Variants in PSAT1 observed in about 807,000 individuals in gnomAD.
PSAT1 encodes phosphoserine aminotransferase 1, also known as phosphoserine aminotransferase.
Under a neutral mutation model 40.3 loss-of-function variants are expected in PSAT1, and 41 were observed. The ratio of observed to expected loss-of-function variants is 1.02; its 90% CI spans 0.79 to 1.32. The LOEUF (loss-of-function observed/expected upper bound fraction) is 1.32. PSAT1 is among the 40% of genes most tolerant of loss of function. The pLI is 0.00. For missense variants in PSAT1, 406 were observed against 455.8 expected, an observed-to-expected ratio of 0.89 and a Z score of 0.99; for synonymous variants, 147 against 170.5, an observed-to-expected ratio of 0.86 and a Z score of 1.07.
rs115263053 is a variant in PSAT1, at chr9:78,306,427, G to C, written c.511G>C (p.Ala171Pro). 122 of 1,614,180 alleles carry C rather than the reference G, an allele frequency of 7.6e-5. No homozygotes were observed. The highest frequency in any genetic ancestry group is 7.5e-5 in the Non-Finnish European group (88 of 1,180,032). Residue 171 changes from alanine to proline, a missense_variant, in exon 5 of 9, where the codon GCA becomes CCA. By Grantham distance (27) the Ala-to-Pro change is conservative (BLOSUM62 -1). Coordinates refer to ENST00000376588, the MANE Select transcript of PSAT1 (RefSeq NM_058179.4). ...EFDFIPDVKGAVLVCDMSSNF... is the reference protein window; with the variant it reads ...EFDFIPDVKGPVLVCDMSSNF... ...TGACTTTATACCCGATGTCAAGGGA[G>C]CAGTACTGGTTTGTGACATGTCCTC...
rs1828216398 is a variant in PSAT1 at position 78,308,418 on chromosome 9, G to A, written c.575G>A (p.Gly192Asp). The change falls in exon 6 of 9, where the codon GGT (glycine) becomes GAT (aspartate). Residue 192 changes from glycine to aspartate, a missense_variant. Physicochemically the swap from Gly to Asp is moderately conservative, Grantham distance 94. Coordinates refer to ENST00000376588, the MANE Select transcript of PSAT1 (RefSeq NM_058179.4). The part of the protein sequence containing the change: ...LSKPVDVSKF[G>D]VIFAGAQKNV... The stretch of plus-strand genomic sequence containing the variant: ...GCATGTCTTTCTCTTTTTAAGTTTG[G>A]TGTGATTTTTGCTGGTGCCCAGAAG... 4 of 1,613,374 alleles carry A rather than the reference G, an allele frequency of 2.5e-6. No homozygotes were observed. The highest frequency in any genetic ancestry group is 1.3e-5 in the African/African-American group (1 of 75,034).
chr9:78,306,790 T>A (rs1191391565), intron 5 of PSAT1, among the ~76,000 whole-genome samples: 1 of 152,198 alleles, frequency 6.6e-6, no homozygotes, highest in Non-Finnish European at 1.5e-5. Context: ...GAGAGACTTG[T>A]CTTCAAGAGC....
chr9:78,316,035 G>A (rs1828338436), intron 6 of PSAT1, among the ~76,000 whole-genome samples: 2 of 152,176 alleles, frequency 1.3e-5, no homozygotes, highest in South Asian at 2.1e-4. Context: ...TTCCCTGGGC[G>A]ACCTCTCCTC....
intron 3 of PSAT1, among the ~76,000 whole-genome samples, chr9:78,303,063 AG>A (rs527259164): frequency 6.5e-4 from 99 of 152,342 alleles, no homozygotes; most frequent in African/African-American, 2.3e-3. Context: ...CATTTATGGT[AG>A]GAAAAACACT....
chr9:78,308,337 G>T, intron 5 of PSAT1, 77 bp from the exon 6 acceptor site: 1 of 1,521,334 alleles, frequency 6.6e-7, no homozygotes, highest in Non-Finnish European at 9.1e-7. Flanking sequence ...TGTGCTTCGG[G>T]AAGAGTTGGG....
chr9:78,322,359 T>C lies in PSAT1; in HGVS notation c.869+4555T>C, dbSNP rs147359649. ...TTGTTGTCATCACAACCCTGTGAAG[T>C]AGACATTGAGCCTATGCAGCAGAAG... On this transcript the variant is annotated intron_variant, in intron 7 of 8. Coordinates refer to ENST00000376588, the MANE Select transcript of PSAT1 (RefSeq NM_058179.4). Among the ~76,000 whole-genome samples, 733 of 152,190 alleles carry C rather than the reference T, an allele frequency of 4.8e-3. 8 individuals are homozygous for C. Among genetic ancestry groups the C allele is most frequent in the African/African-American group, 0.016 (684 of 41,518 alleles).
intron 7 of PSAT1, among the ~76,000 whole-genome samples, chr9:78,322,638 A>G (rs1333982857): frequency 6.6e-6 from 1 of 152,234 alleles, no homozygotes; most frequent in Non-Finnish European, 1.5e-5. Flanking sequence ...TATATTAAAC[A>G]TAAAGGTTAC....
At chr9:78,324,855 T>A (rs561754596) in intron 7 of PSAT1, among the ~76,000 whole-genome samples, 1 of 152,240 alleles carries the variant, frequency 6.6e-6, no homozygotes, top group East Asian at 1.9e-4. Flanking sequence ...CTCATTTATG[T>A]GAGTGGTGCG....
chr9:78,326,955 A>ATATATATATATTTTTTT, intron 7 of PSAT1, among the ~76,000 whole-genome samples: 1 of 75,964 alleles, frequency 1.3e-5, no homozygotes, highest in African/African-American at 9.5e-5. Context: ...ATATATATAT[A>ATATATATATATTTTTTT]TTTTTTTTTT....
At chr9:78,302,579 A>G (rs1232940354) in intron 3 of PSAT1, among the ~76,000 whole-genome samples, 2 of 151,986 alleles carry the variant, frequency 1.3e-5, no homozygotes, top group African/African-American at 4.8e-5. Context: ...ACAAAAAAAG[A>G]AAAAATTAGC....
rs190379210 is a variant in PSAT1 at position 78,309,628 on chromosome 9, G to A, written c.740+1045G>A. ...TCCGCCGGCTTTGGCCTTCTAAAGC[G>A]TTGGGATTACAGGCATGAGCCACCA... On this transcript the variant is annotated intron_variant, in intron 6 of 8. Coordinates refer to ENST00000376588, the MANE Select transcript of PSAT1 (RefSeq NM_058179.4). Among the ~76,000 whole-genome samples, 11 of 152,326 alleles carry A rather than the reference G, an allele frequency of 7.2e-5. No homozygotes were observed. In the South Asian group the frequency reaches 1.5e-3, roughly 20 times the overall value.
chr9:78,326,955 A>ATATATTTTTTTTTTTT, intron 7 of PSAT1, among the ~76,000 whole-genome samples: 13 of 75,932 alleles, frequency 1.7e-4, no homozygotes, highest in East Asian at 8.4e-4. Flanking sequence ...ATATATATAT[A>ATATATTTTTTTTTTTT]TTTTTTTTTT....
intron 5 of PSAT1, 104 bp downstream of exon 5, chr9:78,306,590 C>G: frequency 7.0e-7 from 1 of 1,425,336 alleles, no homozygotes; most frequent in Admixed American, 1.7e-5. Context: ...TTGAGGCCTG[C>G]AGAACCCCTG....
At position 78,317,798 on chromosome 9, in the gene PSAT1, T is replaced by G. The variant is rs553281141; in HGVS notation, c.863T>G (p.Phe288Cys). 13 of 1,612,556 alleles carry G rather than the reference T, an allele frequency of 8.1e-6. No individual in the cohort carries two copies. The Admixed American group carries it at 2.2e-4, about 27-fold the overall frequency. Residue 288 changes from phenylalanine to cysteine, a missense_variant, in exon 7 of 9, where the codon TTC (phenylalanine) becomes TGC (cysteine). Coordinates refer to ENST00000376588, the MANE Select transcript of PSAT1 (RefSeq NM_058179.4). ...IYEIIDNSQGFYVCPVEPQNR... is the reference protein window; with the variant it reads ...IYEIIDNSQGCYVCPVEPQNR... ...GAGATTATTGATAATTCTCAAGGAT[T>G]CTACGTGTAAGTCAATGGATTTTAT...
chr9:78,300,113 G>T (rs1828085759), intron 1 of PSAT1, among the ~76,000 whole-genome samples: 1 of 152,144 alleles, frequency 6.6e-6, no homozygotes, highest in African/African-American at 2.4e-5. Flanking sequence ...TGCCAGTCTT[G>T]TTGCAGCACC....
In PSAT1 at chr9:78,316,761, ATGGGAGTCAGGAC is replaced by A. The variant is rs1342666705; in HGVS notation, c.741-908_741-896del. ...TCTGTTAGTGAGTGGCTGCCCTACA[ATGGGAGTCAGGAC>A]TGGGAGGGGGAGCCCGTCCTTTTAA... On this transcript the variant is annotated intron_variant, in intron 6 of 8. Transcript: ENST00000376588. Among the ~76,000 whole-genome samples, 114 of 152,158 alleles carry A rather than the reference ATGGGAGTCAGGAC, an allele frequency of 7.5e-4. 1 individual carries two copies. The highest frequency in any genetic ancestry group is 6.0e-4 in the Non-Finnish European group (41 of 68,020).
chr9:78,303,548 T>G (rs3758202), intron 3 of PSAT1, among the ~76,000 whole-genome samples: 100,896 of 151,932 alleles, frequency 0.66, 33,572 homozygotes, highest in Admixed American at 0.72. Context: ...TTTCTTTCCA[T>G]CTAATTCTTG....
rs771692853 is a variant in PSAT1 at position 78,304,884 on chromosome 9, A to C, written c.341A>C (p.Glu114Ala). Reference sequence around the variant, plus strand: ...GCTTGGTCAGCTAAGGCCGCAGAAGAAGCCAAGAAGTTTGGGACTATAAAT... The same window carrying C: ...GCTTGGTCAGCTAAGGCCGCAGAAGCAGCCAAGAAGTTTGGGACTATAAAT... ...TGAWSAKAAEEAKKFGTINIV... is the reference protein window; with the variant it reads ...TGAWSAKAAEAAKKFGTINIV... The change falls in exon 4 of 9, where the codon GAA becomes GCA. Residue 114 changes from glutamate to alanine, a missense_variant. By Grantham distance (107) the Glu-to-Ala change is moderately radical. Coordinates refer to ENST00000376588, the MANE Select transcript of PSAT1 (RefSeq NM_058179.4). The C allele has an allele frequency of 6.2e-7, 1 of 1,613,858 alleles. No homozygotes were observed. The highest frequency in any genetic ancestry group is 8.5e-7 in the Non-Finnish European group (1 of 1,180,038).
At chr9:78,307,688 A>G (rs1828205044) in intron 5 of PSAT1, among the ~76,000 whole-genome samples, 1 of 152,186 alleles carries the variant, frequency 6.6e-6, no homozygotes, top group Non-Finnish European at 1.5e-5. Context: ...TCTCTTTGTC[A>G]TAACAGTCCC....
Sources: gnomAD v4.1 joint callset for allele counts (sites outside exome capture counted in the v4.1 genomes callset) on GRCh38, gnomAD v4.1.1 for gene constraint, MANE v1.5 for transcripts, NCBI Gene and HGNC (gene_info 2026-07-23, HGNC 2026-07-21) for gene names.